HMCN1: variants seen among roughly 807,000 people sequenced by gnomAD.
HMCN1 encodes the protein hemicentin-1.
In HMCN1, 321 loss-of-function variants were observed where a neutral mutation model predicts 625.9. That is an observed-to-expected ratio of 0.51 (90% CI 0.47 to 0.56). The LOEUF (loss-of-function observed/expected upper bound fraction) is 0.56. Among genes scored for constraint, HMCN1 ranks in the 20% least tolerant of loss-of-function variants. The probability of loss-of-function intolerance (pLI) is 0.00; values close to 1 mark genes in which losing one functional copy is unlikely to be tolerated. For missense variants in HMCN1, 6,588 were observed against 6,887.3 expected (o/e 0.96, Z 1.54); for synonymous variants, 2,425 against 2,417.6 (o/e 1.00, Z -0.09).
intron 4 of HMCN1, among the ~76,000 whole-genome samples, chr1:185,877,791 A>T (rs2102383566): frequency 6.6e-6 from 1 of 151,880 alleles, no homozygotes; most frequent in East Asian, 1.9e-4. Context: ...TTGTATAAGC[A>T]AATTTGTGTC....
intron 36 of HMCN1, among the ~76,000 whole-genome samples, chr1:186,036,656 T>C (rs912423194): frequency 2.0e-5 from 3 of 151,776 alleles, no homozygotes; most frequent in Non-Finnish European, 4.4e-5. Flanking sequence ...AATGGCACGA[T>C]CTCAGCTCAC....
At chr1:185,989,217 G>C (rs372784898) in intron 20 of HMCN1, among the ~76,000 whole-genome samples, 2 of 151,826 alleles carry the variant, frequency 1.3e-5, no homozygotes, top group South Asian at 4.2e-4. Context: ...CCGTGGTCTC[G>C]ATCTCCTGAC....
At chr1:186,106,319 T>C (rs1329338752) in intron 69 of HMCN1, among the ~76,000 whole-genome samples, 3 of 152,184 alleles carry the variant, frequency 2.0e-5, no homozygotes, top group Admixed American at 2.0e-4. Context: ...TTTAAAGTAA[T>C]GATTTTGGTT....
At position 186,015,421 on chromosome 1, in the gene HMCN1, C is replaced by A. The variant is rs1654301023; in HGVS notation, c.4893C>A (p.Phe1631Leu). 6.2e-7 allele frequency: 1 copy of A among 1,613,464 alleles called. No homozygotes were observed. The highest frequency in any genetic ancestry group is 2.2e-5 in the East Asian group (1 of 44,848). The part of the protein sequence containing the change: ...ANVAGTAEKS[F>L]HVDVYVPPMI... ...TTGCTGGAACTGCTGAAAAATCATT[C>A]CATGTGGATGTCTATGGTGAGGAAC... is the stretch of plus-strand genomic sequence containing the variant. The change falls in exon 31 of 107, where the codon TTC (phenylalanine) becomes TTA (leucine). Residue 1631 changes from phenylalanine to leucine, a missense_variant. By Grantham distance (22) the Phe-to-Leu change is conservative. Transcript: ENST00000271588.
At chr1:185,769,640 G>A (rs774228274) in intron 1 of HMCN1, among the ~76,000 whole-genome samples, 1 of 152,098 alleles carries the variant, frequency 6.6e-6, no homozygotes. Flanking sequence ...TTAAATGGTG[G>A]TTTTTTAAGA....
intron 4 of HMCN1, among the ~76,000 whole-genome samples, chr1:185,901,498 G>A (rs1223368663): frequency 6.6e-6 from 1 of 151,584 alleles, no homozygotes; most frequent in African/African-American, 2.4e-5. Context: ...ATACTTACTA[G>A]AAATCTGTAA....
intron 11 of HMCN1, 24 bp from the exon 12 acceptor site, chr1:185,962,494 A>G: frequency 6.2e-7 from 1 of 1,606,668 alleles, no homozygotes; most frequent in Non-Finnish European, 8.5e-7. Context: ...GCATTTTTCT[A>G]CATACGTATA....
At chr1:185,778,926 C>A (rs1233542455) in intron 1 of HMCN1, among the ~76,000 whole-genome samples, 2 of 152,206 alleles carry the variant, frequency 1.3e-5, no homozygotes, top group African/African-American at 4.8e-5. Context: ...GCCACACTGT[C>A]TTCCACAATG....
intron 34 of HMCN1, 49 bp from the exon 35 acceptor site, chr1:186,019,492 G>A (rs747107674): frequency 7.8e-6 from 11 of 1,403,792 alleles, no homozygotes; most frequent in Admixed American, 5.1e-5. Context: ...TTTTAAGTTC[G>A]ACCTCACTGA....
rs957732296 is a variant in HMCN1 at position 186,001,245 on chromosome 1, A to G, written c.4070-53A>G. ...ATAAAGGCCCTTATAAAGAAACTCT[A>G]TAAATAATATTTATTATGAAACTAG... On this transcript the variant is annotated intron_variant, in intron 26 of 106. Transcript: ENST00000271588. 6 of 1,518,860 alleles carry G rather than the reference A, an allele frequency of 4.0e-6. No individual in the cohort carries two copies. The African/African-American group carries it at 6.9e-5, about 18-fold the overall frequency. The allele number at this position is 1,518,860 out of a possible 1,614,324, so 94.1% of individuals were successfully genotyped here. A position where few individuals can be genotyped will look rare whatever the true frequency, so the allele number is the denominator to read the frequency against.
At chr1:186,095,043 A>C (rs191975138) in intron 67 of HMCN1, among the ~76,000 whole-genome samples, 200 bp from the exon 68 acceptor site, 4 of 152,186 alleles carry the variant, frequency 2.6e-5, no homozygotes, top group Non-Finnish European at 1.5e-5. Context: ...TTTAAGTTTC[A>C]TTGCTAATCT....
At chr1:185,953,013 A>G (rs1326339723) in intron 11 of HMCN1, among the ~76,000 whole-genome samples, 3 of 149,058 alleles carry the variant, frequency 2.0e-5, no homozygotes, top group East Asian at 1.9e-4. Context: ...GAAATAAGGG[A>G]TTGGGGGGTT....
At chr1:185,782,366 T>C (rs946252893) in intron 1 of HMCN1, among the ~76,000 whole-genome samples, 4 of 152,236 alleles carry the variant, frequency 2.6e-5, no homozygotes, top group Non-Finnish European at 4.4e-5. Flanking sequence ...AATATTGTTA[T>C]GTGTGAATGT....
At chr1:186,039,671 T>C (rs537873164) in intron 38 of HMCN1, 57 bp from the exon 39 acceptor site, 20 of 1,553,278 alleles carry the variant, frequency 1.3e-5, no homozygotes, top group African/African-American at 2.7e-5. Flanking sequence ...GTTTTCATCA[T>C]TTGAGATCAC....
intron 1 of HMCN1, among the ~76,000 whole-genome samples, chr1:185,803,416 CTG>C (rs1339341920): frequency 6.6e-6 from 1 of 151,956 alleles, no homozygotes; most frequent in Non-Finnish European, 1.5e-5. Flanking sequence ...GAATATTTAT[CTG>C]TGGAATTCAA....
Position 186,072,130 on chromosome 1 carries a change from C to T in HMCN1, c.8139+1373C>T, listed in dbSNP as rs182127388. ...TGCAATTGGTCTCCTAGAATGTGAA[C>T]AAAAACGTACTATTTTAAAATTTAT... On this transcript the variant is annotated intron_variant, in intron 52 of 106. Coordinates refer to ENST00000271588, the MANE Select transcript of HMCN1 (RefSeq NM_031935.3). 1.2e-3 allele frequency among the ~76,000 whole-genome samples: 190 copies of T among 152,228 alleles called. 2 individuals are homozygous for T. Among genetic ancestry groups the T allele is most frequent in the Non-Finnish European group, 1.9e-3 (131 of 68,006 alleles).
At chr1:185,765,867 G>T (rs1315011906) in intron 1 of HMCN1, among the ~76,000 whole-genome samples, 1 of 152,138 alleles carries the variant, frequency 6.6e-6, no homozygotes, top group Non-Finnish European at 1.5e-5. Flanking sequence ...TTAAGTTGGA[G>T]AACTCTTAAG....
chr1:186,108,676 G>T (rs1429985924), intron 71 of HMCN1, 79 bp downstream of exon 71: 4 of 1,541,354 alleles, frequency 2.6e-6, no homozygotes, highest in Non-Finnish European at 3.5e-6. Flanking sequence ...CCTTTGCTGG[G>T]TACACAAAAC....
rs1483325869 is a variant in HMCN1 at position 186,153,961 on chromosome 1, T to A, written c.15230T>A (p.Phe5077Tyr). Residue 5077 changes from phenylalanine to tyrosine, a missense_variant, in exon 97 of 107, where the codon TTT becomes TAT. Phe to Tyr is a conservative substitution (Grantham distance 22). This residue lies in a region of HMCN1 where 1,954 missense variants were observed against 2,013.1 expected (regional missense o/e 0.97). Coordinates refer to ENST00000271588, the MANE Select transcript of HMCN1 (RefSeq NM_031935.3). ...DYNQIEETLG[F>Y]KIHASISKGD... is the part of the protein sequence containing the mutation. ...AACCAGATAGAAGAGACACTGGGTT[T>A]TAAAATTCATGCTTCAATATCCAAA... The A allele has an allele frequency of 6.2e-7, 1 of 1,613,626 alleles. No individual in the cohort carries two copies.
Sources: gnomAD v4.1 joint callset for allele counts (sites outside exome capture counted in the v4.1 genomes callset) on GRCh38, gnomAD v4.1.1 for gene constraint, gnomAD v4.1.1 regional missense constraint, MANE v1.5 for transcripts, NCBI Gene and HGNC (gene_info 2026-07-23, HGNC 2026-07-21) for gene names.